The following ACACB variants were observed in gnomAD, a reference collection of about 807,000 sequenced individuals.
ACACB encodes the protein acetyl-CoA carboxylase beta, also known as acetyl-CoA carboxylase 2.
A neutral mutation model predicts 278.8 loss-of-function variants in ACACB; 209 were observed. The observed-to-expected ratio is 0.75, with a 90% CI of 0.67 to 0.84. The LOEUF (loss-of-function observed/expected upper bound fraction) is 0.84. Among genes scored for constraint, ACACB ranks in the 40% least tolerant of loss-of-function variants. The pLI, the probability that ACACB is intolerant of heterozygous loss-of-function variation, is 0.00. For missense variants in ACACB, 2,850 were observed against 3,269.0 expected, an observed-to-expected ratio of 0.87 and a Z score of 3.13; for synonymous variants, 1,174 against 1,285.6, an observed-to-expected ratio of 0.91 and a Z score of 1.86.
intron 51 of ACACB, 39 bp downstream of exon 51, chr12:109,265,319 G>T: frequency 6.2e-7 from 1 of 1,611,116 alleles, no homozygotes; most frequent in South Asian, 1.1e-5. Flanking sequence ...GAGCACAGGG[G>T]GTGCTGGGGG....
chr12:109,209,747 A>T (rs1336649921), intron 21 of ACACB, among the ~76,000 whole-genome samples: 1 of 149,838 alleles, frequency 6.7e-6, no homozygotes, highest in East Asian at 2.0e-4. Flanking sequence ...TTTGTAGGTG[A>T]TCATCTGGGA....
intron 33 of ACACB, 21 bp from the exon 34 acceptor site, chr12:109,237,144 C>G (rs1208492331): frequency 5.0e-6 from 8 of 1,613,398 alleles, no homozygotes; most frequent in Non-Finnish European, 6.8e-6. Context: ...TGTCTGTCTT[C>G]TCTCTCTGGT....
chr12:109,144,604 G>T (rs2043193456), intron 2 of ACACB, among the ~76,000 whole-genome samples: 1 of 152,116 alleles, frequency 6.6e-6, no homozygotes, highest in South Asian at 2.1e-4. Context: ...GGATCATGCA[G>T]CACCTCATTC....
intron 5 of ACACB, 82 bp from the exon 6 acceptor site, chr12:109,172,193 G>T: frequency 1.5e-6 from 2 of 1,365,302 alleles, no homozygotes; most frequent in Non-Finnish European, 2.1e-6. Flanking sequence ...AACTGCTGGG[G>T]TTATAGGCGT....
At chr12:109,180,141 A>G (rs971572678) in intron 11 of ACACB, 54 bp downstream of exon 11, 132 of 1,573,298 alleles carry the variant, frequency 8.4e-5, no homozygotes, top group Non-Finnish European at 1.1e-4. Context: ...TCAGGGGTCC[A>G]TGTGCTGCTC....
At position 109,199,385 on chromosome 12, in the gene ACACB, C is replaced by G. The variant is rs753194479; in HGVS notation, c.2628-17C>G. On this transcript the variant is annotated splice_polypyrimidine_tract_variant and intron_variant, in intron 17 of 52. Coordinates refer to ENST00000338432, the MANE Select transcript of ACACB (RefSeq NM_001093.4). ...AGTCCTCATCAGTCTCCCTACCCGACTCCTCCTCTCTCCCAGTTACCGAAT... is the reference window on the plus strand; with the variant it reads ...AGTCCTCATCAGTCTCCCTACCCGAGTCCTCCTCTCTCCCAGTTACCGAAT... 6.8e-6 allele frequency: 10 copies of G among 1,461,896 alleles called. No individual in the cohort carries two copies. The highest frequency in any genetic ancestry group is 4.3e-5 in the African/African-American group (3 of 69,460). 90.6% of individuals were successfully genotyped at this position (1,461,896 alleles called of 1,614,324 possible). A position where few individuals can be genotyped will look rare whatever the true frequency, so the allele number is the denominator to read the frequency against.
chr12:109,229,975 G>A (rs1433429171), intron 28 of ACACB, among the ~76,000 whole-genome samples: 1 of 152,130 alleles, frequency 6.6e-6, no homozygotes, highest in Non-Finnish European at 1.5e-5. Context: ...CTTGGGATTC[G>A]AAGTGTTCTC....
intron 2 of ACACB, among the ~76,000 whole-genome samples, chr12:109,162,108 C>T (rs2043747281): frequency 6.6e-6 from 1 of 152,020 alleles, no homozygotes; most frequent in African/African-American, 2.4e-5. Context: ...TCCCCAGTAG[C>T]TGAGACTACA....
intron 1 of ACACB, among the ~76,000 whole-genome samples, chr12:109,134,645 C>T (rs1565851491): frequency 6.6e-6 from 1 of 152,112 alleles, no homozygotes. Flanking sequence ...TAGACTTTGT[C>T]CCCAGAGGTT....
At chr12:109,186,879 A>G (rs1409391030) in intron 12 of ACACB, among the ~76,000 whole-genome samples, 1 of 152,074 alleles carries the variant, frequency 6.6e-6, no homozygotes. Flanking sequence ...GGGTCGCTCC[A>G]TCTCTCACTT....
intron 49 of ACACB, chr12:109,263,811 A>C (rs2047441478): frequency 1.3e-5 from 2 of 155,196 alleles, no homozygotes; most frequent in South Asian, 4.1e-4. Context: ...AATTTGGCAT[A>C]GAGTTGCTTA....
rs1565857831 is a variant in ACACB, at chr12:109,140,347, C to CTTCCTTCCTTCCTTCT, written c.653+293_653+294insTTCCTTCCTTCTTTCC. Among the ~76,000 whole-genome samples the CTTCCTTCCTTCCTTCT allele has an allele frequency of 2.5e-5, 2 of 80,450 alleles. 1 individual carries two copies. The highest frequency in any genetic ancestry group is 9.3e-5 in the African/African-American group (2 of 21,430). The allele number at this position is 80,450 out of a possible 152,430, so 52.8% of individuals were successfully genotyped here. A position where few individuals can be genotyped will look rare whatever the true frequency, so the allele number is the denominator to read the frequency against. ...CCTTCCTTCCTTCCTTCCTTCCTTC[C>CTTCCTTCCTTCCTTCT]TTCCCTCCTTTCAAAATCATTCCTT... On this transcript the variant is annotated intron_variant, in intron 2 of 52. Coordinates refer to ENST00000338432, the MANE Select transcript of ACACB (RefSeq NM_001093.4).
intron 33 of ACACB, chr12:109,236,400 C>T (rs999866231): frequency 2.0e-5 from 3 of 152,382 alleles, no homozygotes; most frequent in Admixed American, 6.5e-5. Context: ...TTCTTATGCT[C>T]GTCTAGAACA....
At chr12:109,172,711 G>A (rs1301419023) in intron 6 of ACACB, among the ~76,000 whole-genome samples, 1 of 152,232 alleles carries the variant, frequency 6.6e-6, no homozygotes. Flanking sequence ...CTTATGCACT[G>A]TTGGTGGGAG....
intron 31 of ACACB, among the ~76,000 whole-genome samples, chr12:109,234,865 A>G (rs1048675874): frequency 6.6e-6 from 1 of 151,706 alleles, no homozygotes; most frequent in Non-Finnish European, 1.5e-5. Flanking sequence ...CCACCATGGC[A>G]CATATATACC....
chr12:109,255,650 A>G (rs1481512936), intron 44 of ACACB, among the ~76,000 whole-genome samples: 2 of 152,064 alleles, frequency 1.3e-5, no homozygotes, highest in Non-Finnish European at 2.9e-5. Flanking sequence ...TTCCCCACCA[A>G]TGGCTGTCAT....
chr12:109,174,058 C>T, intron 6 of ACACB, 74 bp from the exon 7 acceptor site: 1 of 1,332,724 alleles, frequency 7.5e-7, no homozygotes. Context: ...CCACCGTGCA[C>T]TCGGTCGGCC....
intron 18 of ACACB, among the ~76,000 whole-genome samples, chr12:109,199,988 C>T (rs532792136): frequency 1.5e-4 from 23 of 148,400 alleles, no homozygotes; most frequent in African/African-American, 2.5e-4. Context: ...GCTGAGATGG[C>T]GCCACTGCAC....
intron 36 of ACACB, 126 bp from the exon 37 acceptor site, chr12:109,242,311 C>G: frequency 9.0e-7 from 1 of 1,106,006 alleles, no homozygotes; most frequent in South Asian, 1.5e-5. Context: ...CAGGCACTCA[C>G]TTTGTCATGC....
Sources: allele counts gnomAD v4.1 joint callset (sites outside exome capture counted in the v4.1 genomes callset), GRCh38; gene constraint gnomAD v4.1.1; transcripts MANE v1.5; gene names NCBI Gene and HGNC (gene_info 2026-07-23, HGNC 2026-07-21).